The following CACNG5 variants were observed in gnomAD, a reference collection of about 807,000 sequenced individuals.
The protein encoded by CACNG5 is calcium voltage-gated channel auxiliary subunit gamma 5.
CACNG5 carries 18 observed loss-of-function variants against 24.8 expected under a neutral mutation model. That is an observed-to-expected ratio of 0.73 (90% CI 0.50 to 1.08). The LOEUF (loss-of-function observed/expected upper bound fraction) is 1.08. Among genes scored for constraint, CACNG5 ranks in the 50% least tolerant of loss-of-function variants. The probability of loss-of-function intolerance (pLI) is 0.00; values close to 1 mark genes in which losing one functional copy is unlikely to be tolerated. For synonymous variants in CACNG5, 157 were observed against 149.1 expected, an observed-to-expected ratio of 1.05 and a Z score of -0.39; for missense variants, 349 against 367.9, an observed-to-expected ratio of 0.95 and a Z score of 0.42.
rs974396876 is a variant in CACNG5, at chr17:66,893,538, G to A, written c.*8298G>A. ...AGTTTGGCCATGGAACATGTTTGGC[G>A]TGTGTGGTTAGGGGTCATCTGATGC... On this transcript the variant is annotated 3_prime_UTR_variant, in exon 6 of 6. Transcript: ENST00000533854. 3.3e-5 allele frequency among the ~76,000 whole-genome samples: 5 copies of A among 152,240 alleles called. No homozygotes were observed. The highest frequency in any genetic ancestry group is 5.9e-5 in the Non-Finnish European group (4 of 68,036).
In CACNG5 at chr17:66,888,277, G is replaced by T. The variant is rs1977291546; in HGVS notation, c.*3037G>T. On this transcript the variant is annotated 3_prime_UTR_variant, in exon 6 of 6. Transcript: ENST00000533854. ...AAGAAAGAGGAGGCCTGGCGCAGTG[G>T]CTCATGCCTGTAATCCCAGCACTTT... 6.6e-6 allele frequency among the ~76,000 whole-genome samples: 1 copy of T among 150,694 alleles called. No homozygotes were observed. The highest frequency in any genetic ancestry group is 6.6e-5 in the Admixed American group (1 of 15,098).
chr17:66,835,748 C>G (rs1385482933), intron 1 of CACNG5, among the ~76,000 whole-genome samples: 1 of 152,052 alleles, frequency 6.6e-6, no homozygotes, highest in African/African-American at 2.4e-5. Context: ...TTCCTTCTCC[C>G]GCCTGTGAGA....
chr17:66,838,072 GGGGTTTGGTGTGTTCTAT>G (rs1976507629), intron 1 of CACNG5, among the ~76,000 whole-genome samples: 1 of 151,932 alleles, frequency 6.6e-6, no homozygotes, highest in Non-Finnish European at 1.5e-5. Flanking sequence ...CACACCACGT[GGGGTTTGGTGTGTTCTAT>G]GGGTGGTGCC....
intron 1 of CACNG5, among the ~76,000 whole-genome samples, chr17:66,847,607 C>T (rs1976654345): frequency 1.3e-5 from 2 of 152,040 alleles, no homozygotes; most frequent in Non-Finnish European, 1.5e-5. Context: ...ATTATGGGAG[C>T]TACAATTCAA....
intron 1 of CACNG5, among the ~76,000 whole-genome samples, chr17:66,859,780 C>G (rs1351125160): frequency 2.6e-5 from 4 of 152,114 alleles, no homozygotes; most frequent in Admixed American, 2.6e-4. Context: ...TCAAGAATAA[C>G]TCAGTGTCCA....
At chr17:66,839,671 G>A (rs1010192985) in intron 1 of CACNG5, among the ~76,000 whole-genome samples, 1 of 23,908 alleles carries the variant, frequency 4.2e-5, no homozygotes, top group Non-Finnish European at 7.0e-5. Context: ...GAACATGGAG[G>A]GGGGTCAGTG....
rs1010771142 is a variant in CACNG5, at chr17:66,884,766, G to T, written c.570+105G>T. 2.5e-6 allele frequency: 4 copies of T among 1,613,458 alleles called. No individual in the cohort carries two copies. The African/African-American group carries it at 5.3e-5, about 22-fold the overall frequency. On this transcript the variant is annotated intron_variant, in intron 5 of 5. Transcript: ENST00000533854. ...GAAGGGACATTCCACAACCATTTTG[G>T]ACCCCGGACCACCCACTCTACTTCC...
In CACNG5 at chr17:66,885,385, T is replaced by A; in HGVS notation, c.*145T>A. ...TGTCACTTGACCCCAGTCCTCTCCC[T>A]GCTTCTCCAGAAGGGCTCTAACTGC... On this transcript the variant is annotated 3_prime_UTR_variant, in exon 6 of 6. Coordinates refer to ENST00000533854, the MANE Select transcript of CACNG5 (RefSeq NM_145811.3). 1.0e-6 allele frequency: 1 copy of A among 975,726 alleles called. No homozygotes were observed. Among genetic ancestry groups the A allele is most frequent in the Non-Finnish European group, 1.5e-6 (1 of 676,076 alleles). The allele number at this position is 975,726 out of a possible 1,614,324, so 60.4% of individuals were successfully genotyped here.
intron 1 of CACNG5, among the ~76,000 whole-genome samples, chr17:66,862,892 CTGTGTGTG>C (rs56308917): frequency 0.071 from 10,144 of 142,218 alleles, 499 homozygotes; most frequent in East Asian, 0.18. Context: ...AGCATATTCT[CTGTGTGTG>C]TGTGTGTGTG....
At chr17:66,851,174 A>T (rs1976706337) in intron 1 of CACNG5, among the ~76,000 whole-genome samples, 1 of 152,222 alleles carries the variant, frequency 6.6e-6, no homozygotes, top group African/African-American at 2.4e-5. Context: ...TCCAAAAAAA[A>T]CAAAGACCGA....
At chr17:66,873,805 C>CT (rs556747779) in intron 1 of CACNG5, among the ~76,000 whole-genome samples, 8 of 149,644 alleles carry the variant, frequency 5.3e-5, no homozygotes, top group Admixed American at 4.0e-4. Flanking sequence ...AACATGATGT[C>CT]TTTTTTTTTT....
Position 66,888,729 on chromosome 17 carries a change from G to A in CACNG5, c.*3489G>A, listed in dbSNP as rs940214352. Reference sequence around the variant, plus strand: ...TGGTGAGACAGCTTGGAATGTTTCTGTGTGTGGGAGAAGTTTATGGCAGGG... The same window carrying A: ...TGGTGAGACAGCTTGGAATGTTTCTATGTGTGGGAGAAGTTTATGGCAGGG... On this transcript the variant is annotated 3_prime_UTR_variant, in exon 6 of 6. Transcript: ENST00000533854. 5.9e-5 allele frequency among the ~76,000 whole-genome samples: 9 copies of A among 152,070 alleles called. No homozygotes were observed. The highest frequency in any genetic ancestry group is 1.9e-4 in the African/African-American group (8 of 41,422).
intron 1 of CACNG5, among the ~76,000 whole-genome samples, chr17:66,862,045 G>C (rs1346745375): frequency 2.0e-5 from 3 of 152,196 alleles, no homozygotes; most frequent in Non-Finnish European, 4.4e-5. Flanking sequence ...TCCTGCTGCT[G>C]AGGTCCCTGG....
intron 1 of CACNG5, among the ~76,000 whole-genome samples, chr17:66,865,045 G>A (rs1358760459): frequency 6.6e-6 from 1 of 152,148 alleles, no homozygotes. Flanking sequence ...ACAGGCATGA[G>A]CCACCATGCC....
chr17:66,846,022 G>A (rs2143033536), intron 1 of CACNG5, among the ~76,000 whole-genome samples: 1 of 152,266 alleles, frequency 6.6e-6, no homozygotes, highest in Middle Eastern at 3.4e-3. Flanking sequence ...CTAACATGAG[G>A]GGTAGCTGAG....
intron 1 of CACNG5, among the ~76,000 whole-genome samples, chr17:66,862,892 C>CTCTCTCTCTCTGTG (rs567913804): frequency 1.3e-4 from 18 of 142,170 alleles, no homozygotes; most frequent in African/African-American, 4.3e-4. Context: ...AGCATATTCT[C>CTCTCTCTCTCTGTG]TGTGTGTGTG....
At chr17:66,865,923 G>A (rs1041431280) in intron 1 of CACNG5, among the ~76,000 whole-genome samples, 2 of 151,424 alleles carry the variant, frequency 1.3e-5, no homozygotes, top group African/African-American at 2.4e-5. Context: ...TTACAGGCAT[G>A]AGCCACCGCA....
chr17:66,885,233 C>T lies in CACNG5; in HGVS notation c.821C>T (p.Pro274Leu). ...GACTATGATCAGATGTCCTCTTCAC[C>T]CTGCTGAGCCTCGGCCGCCCCCATC... ...CPDYDQMSSS[P>L]C Residue 274 changes from proline to leucine, a missense_variant, in exon 6 of 6, where the codon CCC becomes CTC. Pro to Leu is a moderately conservative substitution (Grantham distance 98). Coordinates refer to ENST00000533854, the MANE Select transcript of CACNG5 (RefSeq NM_145811.3). 2 of 1,580,958 alleles carry T rather than the reference C, an allele frequency of 1.3e-6. No individual in the cohort carries two copies. The highest frequency in any genetic ancestry group is 2.2e-5 in the East Asian group (1 of 44,638).
intron 4 of CACNG5, among the ~76,000 whole-genome samples, chr17:66,883,458 T>C (rs568989645): frequency 7.9e-5 from 12 of 152,346 alleles, no homozygotes; most frequent in Non-Finnish European, 1.6e-4. Flanking sequence ...TGCCCTACTT[T>C]CATAAAATAA....
Sources: gnomAD v4.1 joint callset for allele counts (sites outside exome capture counted in the v4.1 genomes callset) on GRCh38, gnomAD v4.1.1 for gene constraint, MANE v1.5 for transcripts, NCBI Gene and HGNC (gene_info 2026-07-23, HGNC 2026-07-21) for gene names.